Variants in ANKRD55 observed in about 807,000 individuals in gnomAD.
The protein encoded by ANKRD55 is ankyrin repeat domain 55, also known as ankyrin repeat domain-containing protein 55.
ANKRD55 carries 41 observed loss-of-function variants against 60.6 expected under a neutral mutation model. The observed-to-expected ratio is 0.68, with a 90% CI of 0.53 to 0.88. ANKRD55 has a LOEUF of 0.88. Ranked by LOEUF, ANKRD55 falls within the 40% of genes least tolerant of loss-of-function variation. The probability of loss-of-function intolerance (pLI) is 0.00; values close to 1 mark genes in which losing one functional copy is unlikely to be tolerated. For synonymous variants in ANKRD55, 264 were observed against 290.3 expected (o/e 0.91, Z 0.92); for missense variants, 732 against 767.6 (o/e 0.95, Z 0.55).
chr5:56,110,294 G>A (rs899994170), intron 10 of ANKRD55, among the ~76,000 whole-genome samples: 6 of 151,498 alleles, frequency 4.0e-5, no homozygotes, highest in African/African-American at 1.2e-4. Context: ...AGCTACTCAG[G>A]ATGCTGAGGC....
intron 7 of ANKRD55, among the ~76,000 whole-genome samples, chr5:56,135,310 T>G (rs1375601456): frequency 0.035 from 423 of 11,986 alleles, 20 homozygotes; most frequent in Middle Eastern, 0.056. Flanking sequence ...TTTCTTTCTT[T>G]CTTTCTTTCT....
intron 2 of ANKRD55, among the ~76,000 whole-genome samples, chr5:56,230,314 C>T (rs1329766193): frequency 6.6e-6 from 1 of 152,116 alleles, no homozygotes; most frequent in Non-Finnish European, 1.5e-5. Flanking sequence ...AGGATGGTCT[C>T]GATCTCTTGA....
chr5:56,194,931 C>T (rs1759195736), intron 2 of ANKRD55, among the ~76,000 whole-genome samples: 1 of 152,112 alleles, frequency 6.6e-6, no homozygotes, highest in Non-Finnish European at 1.5e-5. Context: ...CGTGTTTGTG[C>T]CTTTCATAAC....
At chr5:56,152,488 C>G (rs564680966) in intron 6 of ANKRD55, among the ~76,000 whole-genome samples, 1 of 152,160 alleles carries the variant, frequency 6.6e-6, no homozygotes, top group Non-Finnish European at 1.5e-5. Flanking sequence ...ATTCAAAGTT[C>G]TAACCCAGAT....
At chr5:56,115,516 A>G (rs574952941) in intron 9 of ANKRD55, among the ~76,000 whole-genome samples, 133 of 151,768 alleles carry the variant, frequency 8.8e-4, no homozygotes, top group African/African-American at 3.1e-3. Context: ...ATGGGGTTTT[A>G]CCATGTTGGC....
At chr5:56,127,923 C>CTTTATAA (rs1757318428) in intron 7 of ANKRD55, among the ~76,000 whole-genome samples, 1 of 152,060 alleles carries the variant, frequency 6.6e-6, no homozygotes, top group Non-Finnish European at 1.5e-5. Flanking sequence ...ATAACTTTGA[C>CTTTATAA]CCATTGTTTA....
chr5:56,118,538 G>A (rs893411554), intron 8 of ANKRD55, among the ~76,000 whole-genome samples: 4 of 151,146 alleles, frequency 2.6e-5, no homozygotes, highest in African/African-American at 9.7e-5. Context: ...GCAGGAGAAT[G>A]GTGTGAACCG....
intron 3 of ANKRD55, among the ~76,000 whole-genome samples, chr5:56,178,365 T>C (rs1413895050): frequency 6.6e-6 from 1 of 151,924 alleles, no homozygotes; most frequent in Non-Finnish European, 1.5e-5. Flanking sequence ...CAAATATTTC[T>C]TAAGTTTAAA....
At chr5:56,127,493 A>AC in intron 7 of ANKRD55, 1 of 985,304 alleles carries the variant, frequency 1.0e-6, no homozygotes, top group Non-Finnish European at 1.2e-6. Flanking sequence ...GTAGAGGCTG[A>AC]CCACCAAGAA....
chr5:56,210,178 A>AT lies in ANKRD55; in HGVS notation c.58+22677dup, dbSNP rs545141501. 1.9e-3 allele frequency among the ~76,000 whole-genome samples: 284 copies of AT among 151,876 alleles called. 1 individual carries two copies. The highest frequency in any genetic ancestry group is 6.4e-3 in the African/African-American group (266 of 41,398). On this transcript the variant is annotated intron_variant, in intron 2 of 11. Transcript: ENST00000341048. Reference sequence around the variant, plus strand: ...GTGTGCCACCACCCCCGAAATGGTCATTTTTTTCTTTTATTCCTGAGAGAG... The same window carrying AT: ...GTGTGCCACCACCCCCGAAATGGTCATTTTTTTTCTTTTATTCCTGAGAGAG...
In ANKRD55 at chr5:56,112,504, CAAAAAAA is replaced by C. The variant is rs1187255213; in HGVS notation, c.966-729_966-723del. The stretch of plus-strand genomic sequence containing the variant: ...CAACATGGCAGGATCTCATCTCTAG[CAAAAAAA>C]AAAAAAAAAAACAACCAAGGAAAGA... On this transcript the variant is annotated intron_variant, in intron 9 of 11. Transcript: ENST00000341048. 9.7e-4 allele frequency among the ~76,000 whole-genome samples: 25 copies of C among 25,662 alleles called. 2 individuals carry two copies. Among genetic ancestry groups the C allele is most frequent in the Admixed American group, 9.7e-3 (21 of 2,168 alleles). 16.8% of individuals were successfully genotyped at this position (25,662 alleles called of 152,430 possible).
At chr5:56,180,380 T>C (rs1386607580) in intron 3 of ANKRD55, among the ~76,000 whole-genome samples, 2 of 152,244 alleles carry the variant, frequency 1.3e-5, no homozygotes, top group Non-Finnish European at 2.9e-5. Flanking sequence ...TTTTTCAAAA[T>C]TGTTTTAACT....
intron 2 of ANKRD55, among the ~76,000 whole-genome samples, chr5:56,219,102 G>A (rs1028224492): frequency 2.0e-5 from 3 of 151,662 alleles, no homozygotes; most frequent in African/African-American, 7.3e-5. Flanking sequence ...GCAAAAACCT[G>A]TCTCCACTAA....
intron 5 of ANKRD55, among the ~76,000 whole-genome samples, chr5:56,163,800 T>G (rs954645436): frequency 2.6e-5 from 4 of 152,156 alleles, no homozygotes; most frequent in African/African-American, 9.7e-5. Flanking sequence ...TAATAAAGTT[T>G]TATATGGCCA....
At chr5:56,177,081 T>G (rs1368798730) in intron 3 of ANKRD55, among the ~76,000 whole-genome samples, 4 of 152,326 alleles carry the variant, frequency 2.6e-5, no homozygotes, top group East Asian at 3.9e-4. Context: ...CTGTTTTCAC[T>G]GAAAGAACAC....
intron 10 of ANKRD55, among the ~76,000 whole-genome samples, chr5:56,107,872 CTTT>C (rs56958360): frequency 3.4e-5 from 5 of 145,644 alleles, no homozygotes; most frequent in Admixed American, 6.9e-5. Context: ...TAGCAATAAA[CTTT>C]TTTTTTTTTT....
Position 56,152,701 on chromosome 5 carries a change from G to A in ANKRD55, c.483+7132C>T, listed in dbSNP as rs182936575. ...TATCTTGCTTTTTTCAGTGTTAACC[G>A]CAGTGTGGATAACTTCTAAATAAGT... On this transcript the variant is annotated intron_variant, in intron 6 of 11. Transcript: ENST00000341048. Among the ~76,000 whole-genome samples the A allele has an allele frequency of 7.2e-5, 11 of 152,214 alleles. No homozygotes were observed. The East Asian group carries it at 7.7e-4, about 11-fold the overall frequency.
At chr5:56,228,248 A>C (rs1225897148) in intron 2 of ANKRD55, among the ~76,000 whole-genome samples, 1 of 152,116 alleles carries the variant, frequency 6.6e-6, no homozygotes, top group African/African-American at 2.4e-5. Flanking sequence ...ATGCAATCAC[A>C]TGCATCCTTA....
At chr5:56,190,891 C>G (rs1759079125) in intron 2 of ANKRD55, among the ~76,000 whole-genome samples, 1 of 152,232 alleles carries the variant, frequency 6.6e-6, no homozygotes, top group Non-Finnish European at 1.5e-5. Context: ...TCTAAAAAGC[C>G]TACCTCTTAA....
Sources: gnomAD v4.1 joint callset for allele counts (sites outside exome capture counted in the v4.1 genomes callset) on GRCh38, gnomAD v4.1.1 for gene constraint, MANE v1.5 for transcripts, NCBI Gene and HGNC (gene_info 2026-07-23, HGNC 2026-07-21) for gene names.